Variants in COPE observed in about 807,000 individuals in gnomAD.
COPE encodes the protein coatomer subunit epsilon.
COPE carries 19 observed loss-of-function variants against 42.1 expected under a neutral mutation model. The ratio of observed to expected loss-of-function variants is 0.45; its 90% CI spans 0.31 to 0.66. COPE has a LOEUF of 0.66. COPE is among the 30% of genes least tolerant of loss of function. The probability of loss-of-function intolerance (pLI) is 0.05; values close to 1 mark genes in which losing one functional copy is unlikely to be tolerated. For missense variants in COPE, 402 were observed against 416.1 expected (o/e 0.97, Z 0.30); for synonymous variants, 195 against 181.3 (o/e 1.08, Z -0.60).
At chr19:18,915,288 G>A (rs747218031) in intron 1 of COPE, among the ~76,000 whole-genome samples, 18 of 152,358 alleles carry the variant, frequency 1.2e-4, no homozygotes, top group Non-Finnish European at 2.1e-4. Context: ...GCCATCGGGG[G>A]CACCAGGGTG....
chr19:18,899,709 CCTGTCAAAGTCGTT>C lies in COPE; in HGVS notation c.883_896del (p.Asn295AlafsTer?). The C allele has an allele frequency of 6.2e-7, 1 of 1,613,776 alleles. No homozygotes were observed. ...CGCTGGGAGCGTACTGTAGCACCAGCCTGTCAAAGTCGTTCTCCTTTAGCAAGACACATGGCAAC... is the reference window on the plus strand; with the variant it reads ...CGCTGGGAGCGTACTGTAGCACCAGCCTCCTTTAGCAAGACACATGGCAAC... On this transcript the variant is annotated frameshift_variant, in exon 10 of 10. Coordinates refer to ENST00000262812, the MANE Select transcript of COPE (RefSeq NM_007263.4). LOFTEE classifies it high-confidence loss of function.
intron 1 of COPE, among the ~76,000 whole-genome samples, chr19:18,915,569 C>T (rs932189073): frequency 1.3e-5 from 2 of 152,218 alleles, no homozygotes; most frequent in African/African-American, 4.8e-5. Context: ...CCTGGGAGCC[C>T]AGGAACCACC....
intron 2 of COPE, among the ~76,000 whole-genome samples, chr19:18,912,769 T>C (rs1352314579): frequency 6.7e-6 from 1 of 148,462 alleles, no homozygotes; most frequent in Non-Finnish European, 1.5e-5. Flanking sequence ...CAAGAAGCTG[T>C]GACCCAGGCC....
intron 6 of COPE, among the ~76,000 whole-genome samples, chr19:18,903,726 G>A (rs2056731390): frequency 6.6e-6 from 1 of 152,238 alleles, no homozygotes; most frequent in Non-Finnish European, 1.5e-5. Context: ...GGGTCTGAGT[G>A]GGGACCACTG....
chr19:18,899,963 G>T lies in COPE; in HGVS notation c.805-16C>A. Reference sequence around the variant, plus strand: ...GGTTTGTCACCTGCAGGGGAGGCAGGGAGGCAGGTGAGCCGAACACGGGGA... The same window carrying T: ...GGTTTGTCACCTGCAGGGGAGGCAGTGAGGCAGGTGAGCCGAACACGGGGA... On this transcript the variant is annotated splice_polypyrimidine_tract_variant and intron_variant, in intron 8 of 9. Coordinates refer to ENST00000262812, the MANE Select transcript of COPE (RefSeq NM_007263.4). The T allele has an allele frequency of 6.2e-7, 1 of 1,609,362 alleles. No individual in the cohort carries two copies. Among genetic ancestry groups the T allele is most frequent in the Middle Eastern group, 1.7e-4 (1 of 6,040 alleles).
Position 18,917,241 on chromosome 19 carries a change from C to CTTTTT in COPE, c.126+1977_126+1981dup, listed in dbSNP as rs531312180. On this transcript the variant is annotated intron_variant, in intron 1 of 9. Transcript: ENST00000262812. ...AGCCTACTAGAAACATTCTTTTTTT[C>CTTTTT]TTTTTTTTTTTTTTTTTTTGAGATA... Among the ~76,000 whole-genome samples the CTTTTT allele has an allele frequency of 5.8e-4, 64 of 110,656 alleles. 1 individual carries two copies. Among genetic ancestry groups the CTTTTT allele is most frequent in the Admixed American group, 9.2e-4 (9 of 9,808 alleles). The allele number at this position is 110,656 out of a possible 152,430, so 72.6% of individuals were successfully genotyped here.
intron 4 of COPE, 186 bp downstream of exon 4, chr19:18,906,774 G>A (rs1464103012): frequency 3.2e-6 from 2 of 623,212 alleles, no homozygotes; most frequent in Admixed American, 6.4e-5. Context: ...GCAGCCTGGT[G>A]CGCAGATGGG....
chr19:18,907,833 C>A (rs1007097560), intron 3 of COPE, among the ~76,000 whole-genome samples: 1 of 152,202 alleles, frequency 6.6e-6, no homozygotes, highest in Non-Finnish European at 1.5e-5. Flanking sequence ...TAAGCATCCA[C>A]GCGCATCTGG....
chr19:18,918,618 A>G (rs1008125677), intron 1 of COPE, among the ~76,000 whole-genome samples: 2 of 152,036 alleles, frequency 1.3e-5, no homozygotes, highest in South Asian at 2.1e-4. Flanking sequence ...TGGTAGACTC[A>G]TGGTTTCTCC....
At chr19:18,902,698 A>T (rs1170337524) in intron 7 of COPE, among the ~76,000 whole-genome samples, 1 of 60,950 alleles carries the variant, frequency 1.6e-5, no homozygotes, top group South Asian at 3.8e-4. Context: ...GAAAGGAAGG[A>T]AAGGAAGGAA....
rs71168781 is a variant in COPE at position 18,902,772 on chromosome 19, A to AGAAGGAAGGAAG, written c.735+484_735+495dup. ...GAAAGGAAGGAAGGAAGGAAGGGAA[A>AGAAGGAAGGAAG]GAAGGAAGGAAGGAAGGAAGGAAGG... On this transcript the variant is annotated intron_variant, in intron 7 of 9. Transcript: ENST00000262812. Among the ~76,000 whole-genome samples the AGAAGGAAGGAAG allele has an allele frequency of 6.3e-4, 20 of 31,954 alleles. 4 individuals carry two copies. The highest frequency in any genetic ancestry group is 1.8e-3 in the Admixed American group (4 of 2,220). 21.0% of individuals were successfully genotyped at this position (31,954 alleles called of 152,430 possible).
chr19:18,905,458 G>A (rs1282072759), intron 5 of COPE, 118 bp downstream of exon 5: 2 of 1,067,530 alleles, frequency 1.9e-6, no homozygotes, highest in African/African-American at 3.2e-5. Context: ...CCACCCCCAT[G>A]GAAAGGAAAG....
chr19:18,918,692 G>T (rs952102988), intron 1 of COPE, among the ~76,000 whole-genome samples: 3 of 152,166 alleles, frequency 2.0e-5, no homozygotes, highest in African/African-American at 7.2e-5. Flanking sequence ...GCCTCCCAAA[G>T]CGCCAGAATT....
chr19:18,903,493 C>G, intron 6 of COPE, 70 bp from the exon 7 acceptor site: 5 of 1,516,360 alleles, frequency 3.3e-6, no homozygotes, highest in Non-Finnish European at 4.4e-6. Context: ...GCCCCCTCCC[C>G]TAGCGGGGGG....
intron 8 of COPE, 102 bp downstream of exon 8, chr19:18,900,279 T>C (rs1045754943): frequency 2.1e-5 from 20 of 964,148 alleles, no homozygotes; most frequent in Non-Finnish European, 3.1e-5. Flanking sequence ...GCATACTGTA[T>C]ACAGAGTTTT....
chr19:18,910,258 C>T (rs1201935470), intron 3 of COPE, among the ~76,000 whole-genome samples: 3 of 152,196 alleles, frequency 2.0e-5, no homozygotes, highest in African/African-American at 7.2e-5. Context: ...CAGGCGTGGC[C>T]TCACCCACCC....
Position 18,913,228 on chromosome 19 carries a change from C to T in COPE, c.127-182G>A, listed in dbSNP as rs572039137. Among the ~76,000 whole-genome samples, 89 of 152,278 alleles carry T rather than the reference C, an allele frequency of 5.8e-4. No homozygotes were observed. The South Asian group carries it at 0.015, about 26-fold the overall frequency. On this transcript the variant is annotated intron_variant, in intron 1 of 9. Coordinates refer to ENST00000262812, the MANE Select transcript of COPE (RefSeq NM_007263.4). ...TGGCCTCTGCTGGGGGTACCCTACACGGGGGGTGCCTGATCTCATCCCGCG... is the reference window on the plus strand; with the variant it reads ...TGGCCTCTGCTGGGGGTACCCTACATGGGGGGTGCCTGATCTCATCCCGCG...
At chr19:18,901,858 A>G (rs779982200) in intron 7 of COPE, among the ~76,000 whole-genome samples, 12 of 152,212 alleles carry the variant, frequency 7.9e-5, no homozygotes, top group Non-Finnish European at 1.5e-4. Flanking sequence ...CAAAATGGAA[A>G]AAGCTTTGAT....
Position 18,899,580 on chromosome 19 carries a change from C to T in COPE, c.*99G>A. 7.7e-7 allele frequency: 1 copy of T among 1,302,722 alleles called. No homozygotes were observed. The highest frequency in any genetic ancestry group is 1.8e-5 in the Admixed American group (1 of 55,738). The allele number at this position is 1,302,722 out of a possible 1,614,324, so 80.7% of individuals were successfully genotyped here. A position where few individuals can be genotyped will look rare whatever the true frequency, so the allele number is the denominator to read the frequency against. On this transcript the variant is annotated 3_prime_UTR_variant, in exon 10 of 10. Transcript: ENST00000262812. ...GGGGGTGCTGGGGGTGGGCTCCTGC[C>T]CCCAGAGGGGATGCAGGTGGATGCC...
Sources: allele counts gnomAD v4.1 joint callset (sites outside exome capture counted in the v4.1 genomes callset), GRCh38; gene constraint gnomAD v4.1.1; transcripts MANE v1.5; gene names NCBI Gene and HGNC (gene_info 2026-07-23, HGNC 2026-07-21).